Variants in ALK observed in about 807,000 individuals in gnomAD.
The protein encoded by ALK is ALK tyrosine kinase receptor.
In ALK, 74 loss-of-function variants were observed where a neutral mutation model predicts 163.1. The observed-to-expected ratio is 0.45, with a 90% CI of 0.38 to 0.55. ALK has a LOEUF of 0.55. Among genes scored for constraint, ALK ranks in the 20% least tolerant of loss-of-function variants. The pLI, the probability that ALK is intolerant of heterozygous loss-of-function variation, is 0.00. For synonymous variants in ALK, 960 were observed against 843.2 expected, an observed-to-expected ratio of 1.14 and a Z score of -2.40; for missense variants, 2,063 against 2,105.3, an observed-to-expected ratio of 0.98 and a Z score of 0.39.
At position 29,811,156 on chromosome 2, in the gene ALK, T is replaced by A. The variant is rs1664747996; in HGVS notation, c.668-93459A>T. 3.9e-5 allele frequency among the ~76,000 whole-genome samples: 6 copies of A among 152,118 alleles called. No individual in the cohort carries two copies. The South Asian group carries it at 1.2e-3, about 32-fold the overall frequency. ...GTCAAGTGTCACACAGATAAGGAGC[T>A]TTCATACAGTGCTGAGGTCGAAGGC... On this transcript the variant is annotated intron_variant, in intron 1 of 28. Coordinates refer to ENST00000389048, the MANE Select transcript of ALK (RefSeq NM_004304.5).
chr2:29,711,866 C>G (rs1222973727), intron 2 of ALK, among the ~76,000 whole-genome samples: 1 of 152,188 alleles, frequency 6.6e-6, no homozygotes, highest in East Asian at 1.9e-4. Context: ...GTCTGTCCCA[C>G]TTTGTGAAAA....
chr2:29,818,071 G>T (rs952618526), intron 1 of ALK, among the ~76,000 whole-genome samples: 1 of 151,946 alleles, frequency 6.6e-6, no homozygotes, highest in Non-Finnish European at 1.5e-5. Context: ...CTCTTGGCTC[G>T]CCAAACTCCA....
rs1666206131 is a variant in ALK, at chr2:29,297,005, A to C, written c.1700T>G (p.Val567Gly). 6.2e-7 allele frequency: 1 copy of C among 1,614,184 alleles called. No individual in the cohort carries two copies. The highest frequency in any genetic ancestry group is 1.1e-5 in the South Asian group (1 of 91,084). ...CTTCCCGGTTTTGTTCTCCACTAGC[A>C]CCAAGGACACGTTTCCCCTCAAGAC... ...RGVLRGNVSL[V>G]LVENKTGKEQ... The change falls in exon 9 of 29, where the codon GTG (valine) becomes GGG (glycine). Residue 567 changes from valine (V) to glycine (G), a missense_variant. This residue lies in a region of ALK where 987 missense variants were observed against 939.5 expected (regional missense o/e 1.05). Transcript: ENST00000389048.
rs1669533637 is a variant in ALK at position 29,214,020 on chromosome 2, C to T, written c.3707G>A (p.Gly1236Asp). 6.2e-7 allele frequency: 1 copy of T among 1,613,902 alleles called. No homozygotes were observed. The highest frequency in any genetic ancestry group is 8.5e-7 in the Non-Finnish European group (1 of 1,179,952). ...GTGGTTTTCCTCCAAATACTGACAGCCACAGGCAATGTCCCGAGCCACGTG... is the reference window on the plus strand; with the variant it reads ...GTGGTTTTCCTCCAAATACTGACAGTCACAGGCAATGTCCCGAGCCACGTG... ...LLHVARDIAC[G>D]CQYLEENHFI... Residue 1236 changes from glycine (G) to aspartate (D), a missense_variant, in exon 24 of 29, where the codon GGC (glycine) becomes GAC (aspartate). Physicochemically the swap from Gly to Asp is moderately conservative, Grantham distance 94 (BLOSUM62 -1). Transcript: ENST00000389048.
At chr2:29,646,094 C>G (rs2631996) in intron 3 of ALK, among the ~76,000 whole-genome samples, 152,241 of 152,242 alleles carry the variant, frequency 1, 76,120 homozygotes, top group Non-Finnish European at 1. Flanking sequence ...CTCCACTTGG[C>G]CATTGTTATG....
At chr2:29,371,040 C>T (rs191828808) in intron 5 of ALK, among the ~76,000 whole-genome samples, 107 of 152,334 alleles carry the variant, frequency 7.0e-4, no homozygotes, top group African/African-American at 2.5e-3. Flanking sequence ...GACTTTATAT[C>T]CACCCAAATG....
At chr2:29,896,031 A>G (rs756018236) in intron 1 of ALK, among the ~76,000 whole-genome samples, 17 of 152,190 alleles carry the variant, frequency 1.1e-4, no homozygotes, top group Non-Finnish European at 2.1e-4. Flanking sequence ...AGGATCCATG[A>G]ACTGTTTCCT....
intron 1 of ALK, among the ~76,000 whole-genome samples, chr2:29,740,653 A>T (rs1329265404): frequency 2.0e-5 from 3 of 152,232 alleles, no homozygotes; most frequent in African/African-American, 7.2e-5. Context: ...ATATTTAAAA[A>T]TTTATTTAAT....
At chr2:29,228,859 C>A in intron 16 of ALK, 25 bp downstream of exon 16, 1 of 1,505,948 alleles carries the variant, frequency 6.6e-7, no homozygotes, top group Non-Finnish European at 9.2e-7. Flanking sequence ...GAGGGAGTGA[C>A]ACCTTGAACA....
chr2:29,871,529 C>A (rs1346467570), intron 1 of ALK, among the ~76,000 whole-genome samples: 1 of 152,198 alleles, frequency 6.6e-6, no homozygotes, highest in Non-Finnish European at 1.5e-5. Flanking sequence ...AAAATCAAAT[C>A]AGAGCATGCC....
At chr2:29,898,041 G>A (rs1667319035) in intron 1 of ALK, among the ~76,000 whole-genome samples, 1 of 152,192 alleles carries the variant, frequency 6.6e-6, no homozygotes, top group Admixed American at 6.5e-5. Flanking sequence ...AAGGAGTAAA[G>A]GCAAGACTAG....
chr2:29,861,336 T>C (rs1400177791), intron 1 of ALK, among the ~76,000 whole-genome samples: 5 of 151,876 alleles, frequency 3.3e-5, no homozygotes, highest in African/African-American at 1.2e-4. Context: ...TGAAAAACAA[T>C]AGAAAAGATC....
chr2:29,436,604 C>G (rs750971523), intron 4 of ALK, among the ~76,000 whole-genome samples: 37 of 152,168 alleles, frequency 2.4e-4, no homozygotes, highest in Non-Finnish European at 1.5e-4. Flanking sequence ...GAGAAAAGCC[C>G]CTTTCAACAG....
At chr2:29,841,686 G>C (rs1010445549) in intron 1 of ALK, among the ~76,000 whole-genome samples, 1 of 152,154 alleles carries the variant, frequency 6.6e-6, no homozygotes, top group African/African-American at 2.4e-5. Flanking sequence ...GAAACACAAA[G>C]GGGAGTGAAG....
At chr2:29,849,519 C>T (rs893452862) in intron 1 of ALK, among the ~76,000 whole-genome samples, 23 of 152,354 alleles carry the variant, frequency 1.5e-4, no homozygotes, top group Admixed American at 1.3e-3. Flanking sequence ...GAGGATGTCA[C>T]ACCCCACTGT....
chr2:29,421,721 G>C (rs1670019917), intron 4 of ALK, among the ~76,000 whole-genome samples: 1 of 151,492 alleles, frequency 6.6e-6, no homozygotes, highest in Non-Finnish European at 1.5e-5. Context: ...AGAGAGACCA[G>C]AGTGTCTGCT....
intron 3 of ALK, among the ~76,000 whole-genome samples, chr2:29,571,648 A>ATTTTTTTTTTTTTTTTTTTT (rs1674377266): frequency 1.6e-5 from 1 of 63,372 alleles, no homozygotes; most frequent in African/African-American, 7.7e-5. Flanking sequence ...ATGTTGTCTC[A>ATTTTTTTTTTTTTTTTTTTT]TTTTGTCGCC....
chr2:29,597,470 C>T (rs1357207633), intron 3 of ALK, among the ~76,000 whole-genome samples: 1 of 152,160 alleles, frequency 6.6e-6, no homozygotes, highest in Non-Finnish European at 1.5e-5. Flanking sequence ...AGAAATTCCT[C>T]CACAAAGCCC....
intron 5 of ALK, among the ~76,000 whole-genome samples, chr2:29,336,460 G>A (rs1000430151): frequency 6.6e-6 from 1 of 152,214 alleles, no homozygotes; most frequent in African/African-American, 2.4e-5. Context: ...CTCTCCTGAA[G>A]CAGCAGGCCA....
Sources: gnomAD v4.1 joint callset for allele counts (sites outside exome capture counted in the v4.1 genomes callset) on GRCh38, gnomAD v4.1.1 for gene constraint, gnomAD v4.1.1 regional missense constraint, MANE v1.5 for transcripts, NCBI Gene and HGNC (gene_info 2026-07-23, HGNC 2026-07-21) for gene names.